UBE4B: variants seen among roughly 807,000 people sequenced by gnomAD.
The protein encoded by UBE4B is ubiquitin conjugation factor E4 B.
A neutral mutation model predicts 148.1 loss-of-function variants in UBE4B; 27 were observed. The observed-to-expected ratio is 0.18, with a 90% CI of 0.13 to 0.25. The LOEUF (loss-of-function observed/expected upper bound fraction) is 0.25. Among genes scored for constraint, UBE4B ranks in the 10% least tolerant of loss-of-function variants. The pLI is 1.00. For synonymous variants in UBE4B, 596 were observed against 619.3 expected, an observed-to-expected ratio of 0.96 and a Z score of 0.56; for missense variants, 1,170 against 1,662.4, an observed-to-expected ratio of 0.70 and a Z score of 5.15.
At chr1:10,115,563 C>T (rs559641863) in intron 7 of UBE4B, among the ~76,000 whole-genome samples, 2 of 152,102 alleles carry the variant, frequency 1.3e-5, no homozygotes, top group Non-Finnish European at 2.9e-5. Context: ...TGAGCCACCG[C>T]GTTTGGCCAA....
chr1:10,151,668 C>G (rs1028363637), intron 21 of UBE4B, 107 bp downstream of exon 21: 2 of 947,692 alleles, frequency 2.1e-6, no homozygotes, highest in African/African-American at 3.3e-5. Flanking sequence ...ATCCTGCTAC[C>G]TGTGTGTATA....
At chr1:10,037,888 G>A (rs562133658) in intron 1 of UBE4B, among the ~76,000 whole-genome samples, 1 of 152,122 alleles carries the variant, frequency 6.6e-6, no homozygotes, top group Non-Finnish European at 1.5e-5. Flanking sequence ...TTCGACAATG[G>A]TAATGAGATT....
intron 23 of UBE4B, among the ~76,000 whole-genome samples, chr1:10,166,964 CACACACAAAA>C (rs553921283): frequency 0.017 from 2,413 of 139,832 alleles, 30 homozygotes; most frequent in Non-Finnish European, 0.025. Flanking sequence ...CACACACACA[CACACACAAAA>C]AAAAAAAATT....
chr1:10,105,580 G>C lies in UBE4B; in HGVS notation c.645G>C (p.Gln215His). ...ILMEVLMMST[Q>H]TRDENPFASL... is the part of the protein sequence containing the mutation. ...TGGAAGTGCTAATGATGTCCACTCAGACCAGAGATGAAAACCCATTTGCCA... is the reference window on the plus strand; with the variant it reads ...TGGAAGTGCTAATGATGTCCACTCACACCAGAGATGAAAACCCATTTGCCA... The change falls in exon 6 of 28, where the codon CAG (glutamine) becomes CAC (histidine). Residue 215 changes from glutamine (Q) to histidine (H), a missense_variant. By Grantham distance (24) the Gln-to-His change is conservative. Transcript: ENST00000343090. 1 of 1,614,192 alleles carries C rather than the reference G, an allele frequency of 6.2e-7. No homozygotes were observed. Among genetic ancestry groups the C allele is most frequent in the South Asian group, 1.1e-5 (1 of 91,072 alleles).
At chr1:10,042,695 G>C (rs1408582293) in intron 1 of UBE4B, among the ~76,000 whole-genome samples, 2 of 152,146 alleles carry the variant, frequency 1.3e-5, no homozygotes, top group Admixed American at 6.6e-5. Flanking sequence ...GGTGTCATTT[G>C]ATGAGAAGTG....
At chr1:10,134,910 G>T in intron 15 of UBE4B, 78 bp from the exon 16 acceptor site, 1 of 1,269,690 alleles carries the variant, frequency 7.9e-7, no homozygotes. Context: ...GCTCCAGCCT[G>T]GGCAACAGAG....
chr1:10,039,461 T>C (rs1643674341), intron 1 of UBE4B, among the ~76,000 whole-genome samples: 1 of 152,004 alleles, frequency 6.6e-6, no homozygotes. Flanking sequence ...ACAGAATCTC[T>C]CTCTGTTGCC....
At chr1:10,088,225 CT>C (rs1474641431) in intron 2 of UBE4B, among the ~76,000 whole-genome samples, 1 of 152,110 alleles carries the variant, frequency 6.6e-6, no homozygotes, top group Non-Finnish European at 1.5e-5. Flanking sequence ...ATGATTCTGC[CT>C]TTTGACACTA....
chr1:10,101,234 A>G, intron 4 of UBE4B, 39 bp downstream of exon 4: 1 of 1,593,466 alleles, frequency 6.3e-7, no homozygotes, highest in East Asian at 2.2e-5. Context: ...GGTAATAGAA[A>G]TAAACACATT....
At chr1:10,113,917 T>C (rs957661978) in intron 7 of UBE4B, among the ~76,000 whole-genome samples, 2 of 151,844 alleles carry the variant, frequency 1.3e-5, no homozygotes, top group Non-Finnish European at 2.9e-5. Context: ...ATACAAAAAT[T>C]AGCCAGGCAT....
At chr1:10,142,271 A>G (rs1645794843) in intron 17 of UBE4B, among the ~76,000 whole-genome samples, 1 of 152,170 alleles carries the variant, frequency 6.6e-6, no homozygotes. Context: ...AACTCTTGTG[A>G]TACCCGTAGC....
intron 1 of UBE4B, among the ~76,000 whole-genome samples, chr1:10,067,220 C>T (rs1557525312): frequency 6.6e-6 from 1 of 151,944 alleles, no homozygotes; most frequent in South Asian, 2.1e-4. Context: ...GGAAGTGCTG[C>T]GTCATATAAC....
chr1:10,103,468 C>G (rs1166111921), intron 5 of UBE4B, among the ~76,000 whole-genome samples: 2 of 150,534 alleles, frequency 1.3e-5, no homozygotes, highest in African/African-American at 4.9e-5. Context: ...GAATCTCACC[C>G]TATCACCAGG....
chr1:10,172,955 TAC>T (rs1350600561), intron 25 of UBE4B, among the ~76,000 whole-genome samples: 2 of 152,316 alleles, frequency 1.3e-5, no homozygotes, highest in East Asian at 3.9e-4. Flanking sequence ...TCCCACACTG[TAC>T]AGTTTTGTAG....
At chr1:10,171,982 G>A (rs552102218) in intron 25 of UBE4B, among the ~76,000 whole-genome samples, 1 of 152,268 alleles carries the variant, frequency 6.6e-6, no homozygotes, top group Admixed American at 6.5e-5. Flanking sequence ...ATCTTTTTAA[G>A]GGCCTTCTTG....
intron 5 of UBE4B, 148 bp from the exon 6 acceptor site, chr1:10,105,368 T>G (rs1645088493): frequency 3.1e-6 from 2 of 649,122 alleles, no homozygotes; most frequent in Non-Finnish European, 5.4e-6. Context: ...AGGCTTTATT[T>G]AGGTTTTCCA....
In UBE4B at chr1:10,180,183, G is replaced by A. The variant is rs1646486515; in HGVS notation, c.*227G>A. 5 of 580,034 alleles carry A rather than the reference G, an allele frequency of 8.6e-6. No individual in the cohort carries two copies. The Admixed American group carries it at 1.2e-4, about 14-fold the overall frequency. 35.9% of individuals were successfully genotyped at this position (580,034 alleles called of 1,614,324 possible). A position where few individuals can be genotyped will look rare whatever the true frequency, so the allele number is the denominator to read the frequency against. ...TGACAAACACGGTCAAAAGCTTAAGGGACAGGTTTTATGGTTGCTTGTGTA... is the reference window on the plus strand; with the variant it reads ...TGACAAACACGGTCAAAAGCTTAAGAGACAGGTTTTATGGTTGCTTGTGTA... On this transcript the variant is annotated 3_prime_UTR_variant, in exon 28 of 28. Transcript: ENST00000343090.
At chr1:10,068,455 T>C (rs1644427190) in intron 1 of UBE4B, among the ~76,000 whole-genome samples, 1 of 151,500 alleles carries the variant, frequency 6.6e-6, no homozygotes, top group African/African-American at 2.4e-5. Flanking sequence ...GTTGAAGTGA[T>C]TCTCCTGCCG....
At chr1:10,099,417 C>T (rs1313078857) in intron 3 of UBE4B, among the ~76,000 whole-genome samples, 5 of 151,814 alleles carry the variant, frequency 3.3e-5, no homozygotes, top group Non-Finnish European at 7.4e-5. Context: ...ACATATGGTA[C>T]CTAGGAATAA....
Sources: gnomAD v4.1 joint callset for allele counts (sites outside exome capture counted in the v4.1 genomes callset) on GRCh38, gnomAD v4.1.1 for gene constraint, MANE v1.5 for transcripts, NCBI Gene and HGNC (gene_info 2026-07-23, HGNC 2026-07-21) for gene names.